The following PTPRK variants were observed in gnomAD, a reference collection of about 807,000 sequenced individuals.
The protein encoded by PTPRK is protein tyrosine phosphatase receptor type K, also known as receptor-type tyrosine-protein phosphatase kappa.
PTPRK carries 75 observed loss-of-function variants against 178.0 expected under a neutral mutation model. The ratio of observed to expected loss-of-function variants is 0.42; its 90% CI spans 0.35 to 0.51. PTPRK has a LOEUF of 0.51. Among genes scored for constraint, PTPRK ranks in the 20% least tolerant of loss-of-function variants. PTPRK has a pLI of 0.02. For missense variants in PTPRK, 1,441 were observed against 1,797.8 expected (o/e 0.80, Z 3.59); for synonymous variants, 637 against 620.6 (o/e 1.03, Z -0.39).
chr6:128,035,942 TG>T (rs1456834433), intron 13 of PTPRK, among the ~76,000 whole-genome samples: 4 of 152,234 alleles, frequency 2.6e-5, no homozygotes, highest in African/African-American at 7.2e-5. Flanking sequence ...AATGTGGTTG[TG>T]TTCAACAGTT....
At chr6:128,174,108 T>C (rs183830131) in intron 7 of PTPRK, among the ~76,000 whole-genome samples, 42 of 152,118 alleles carry the variant, frequency 2.8e-4, no homozygotes, top group African/African-American at 9.9e-4. Context: ...TTCAGATTTC[T>C]GCATGTTTGT....
At chr6:128,037,028 C>A (rs890098244) in intron 13 of PTPRK, among the ~76,000 whole-genome samples, 1 of 152,046 alleles carries the variant, frequency 6.6e-6, no homozygotes, top group African/African-American at 2.4e-5. Flanking sequence ...CGCCGCTCCC[C>A]GCCCTCCCTA....
intron 2 of PTPRK, among the ~76,000 whole-genome samples, chr6:128,354,544 T>G (rs866064869): frequency 6.6e-6 from 1 of 152,180 alleles, no homozygotes; most frequent in Non-Finnish European, 1.5e-5. Context: ...CTCCTTTACA[T>G]GTTTAATGTT....
At chr6:128,079,004 A>G (rs867594853) in intron 10 of PTPRK, 86 bp from the exon 11 acceptor site, 1 of 817,974 alleles carries the variant, frequency 1.2e-6, no homozygotes, top group Middle Eastern at 2.5e-4. Context: ...ATCTTAAGTT[A>G]GGAAAAAAAA....
chr6:128,280,922 G>A (rs1379651400), intron 3 of PTPRK, among the ~76,000 whole-genome samples: 2 of 151,850 alleles, frequency 1.3e-5, no homozygotes, highest in African/African-American at 4.8e-5. Context: ...CATATTCTTT[G>A]AGTAATTATT....
intron 7 of PTPRK, among the ~76,000 whole-genome samples, chr6:128,110,289 C>T (rs1361426064): frequency 3.3e-5 from 5 of 152,090 alleles, no homozygotes; most frequent in African/African-American, 1.2e-4. Context: ...CTCAAAGAAT[C>T]AGGACACCCT....
intron 7 of PTPRK, among the ~76,000 whole-genome samples, chr6:128,092,936 C>A (rs1386031799): frequency 6.6e-6 from 1 of 152,032 alleles, no homozygotes; most frequent in Non-Finnish European, 1.5e-5. Flanking sequence ...TGTTTGGAAA[C>A]CACTGATATT....
intron 6 of PTPRK, among the ~76,000 whole-genome samples, chr6:128,209,535 G>C (rs1366943991): frequency 1.4e-5 from 2 of 145,684 alleles, no homozygotes; most frequent in Admixed American, 1.3e-4. Context: ...AGGCAGCCAC[G>C]AGGCTGCCCT....
chr6:128,374,187 C>T (rs1360752875), intron 2 of PTPRK, among the ~76,000 whole-genome samples: 2 of 152,044 alleles, frequency 1.3e-5, no homozygotes, highest in Non-Finnish European at 2.9e-5. Context: ...TGGCACAGTC[C>T]ACTACTGCTT....
chr6:128,082,713 G>C, intron 9 of PTPRK, 75 bp from the exon 10 acceptor site: 1 of 1,172,068 alleles, frequency 8.5e-7, no homozygotes, highest in African/African-American at 1.5e-5. Flanking sequence ...GTATAAATAA[G>C]GTAGTATGCA....
chr6:127,976,908 T>A lies in PTPRK; in HGVS notation c.3843+15A>T. 1 of 1,613,778 alleles carries A rather than the reference T, an allele frequency of 6.2e-7. No individual in the cohort carries two copies. The highest frequency in any genetic ancestry group is 1.1e-5 in the South Asian group (1 of 91,068). On this transcript the variant is annotated intron_variant, in intron 26 of 29. Transcript: ENST00000368226. ...GTTGTATATAAGTACATAAAAGCAA[T>A]CCATAGCCATTAACCTGGGACAAGT...
intron 7 of PTPRK, among the ~76,000 whole-genome samples, chr6:128,175,621 C>T (rs1450623487): frequency 1.3e-5 from 2 of 151,716 alleles, no homozygotes; most frequent in Non-Finnish European, 2.9e-5. Context: ...ATACTTTGTA[C>T]TTTACAACTA....
intron 6 of PTPRK, among the ~76,000 whole-genome samples, chr6:128,200,318 G>A (rs981219542): frequency 2.0e-5 from 3 of 152,132 alleles, no homozygotes; most frequent in African/African-American, 7.2e-5. Flanking sequence ...CTCTGCAAAT[G>A]AGTCATTTAA....
At chr6:128,291,249 A>G (rs1052363921) in intron 3 of PTPRK, among the ~76,000 whole-genome samples, 9 of 152,234 alleles carry the variant, frequency 5.9e-5, no homozygotes, top group African/African-American at 2.2e-4. Context: ...TTGAAGACAG[A>G]AGGGGCCATA....
chr6:128,158,880 A>G (rs75611367), intron 7 of PTPRK, among the ~76,000 whole-genome samples: 3,318 of 151,936 alleles, frequency 0.022, 98 homozygotes, highest in African/African-American at 0.046. Context: ...ATACAGTATC[A>G]TTCTTTTCTG....
chr6:128,426,371 T>C (rs1290153711), intron 1 of PTPRK, among the ~76,000 whole-genome samples: 1 of 152,236 alleles, frequency 6.6e-6, no homozygotes, highest in East Asian at 1.9e-4. Context: ...TCTTTCATTA[T>C]CTAACACTTT....
At chr6:127,984,989 T>G (rs369652748) in intron 22 of PTPRK, among the ~76,000 whole-genome samples, 4 of 152,190 alleles carry the variant, frequency 2.6e-5, no homozygotes. Flanking sequence ...AAGCAAAAAA[T>G]GCTTAGGTAC....
At chr6:128,448,891 G>A (rs187264415) in intron 1 of PTPRK, among the ~76,000 whole-genome samples, 1 of 152,164 alleles carries the variant, frequency 6.6e-6, no homozygotes, top group East Asian at 1.9e-4. Flanking sequence ...AAAGAGTCTC[G>A]CTTTGTCACC....
intron 3 of PTPRK, among the ~76,000 whole-genome samples, chr6:128,273,331 A>T (rs1820191760): frequency 6.6e-6 from 1 of 152,178 alleles, no homozygotes; most frequent in Admixed American, 6.5e-5. Flanking sequence ...CACTTTGTGC[A>T]CATGTACCCT....
Sources: gnomAD v4.1 joint callset for allele counts (sites outside exome capture counted in the v4.1 genomes callset) on GRCh38, gnomAD v4.1.1 for gene constraint, MANE v1.5 for transcripts, NCBI Gene and HGNC (gene_info 2026-07-23, HGNC 2026-07-21) for gene names.